Variants in SPATA16 observed in about 807,000 individuals in gnomAD.
SPATA16 encodes spermatogenesis associated 16.
Under a neutral mutation model 63.3 loss-of-function variants are expected in SPATA16, and 36 were observed. That is an observed-to-expected ratio of 0.57 (90% CI 0.44 to 0.75). SPATA16 has a LOEUF of 0.75. Among genes scored for constraint, SPATA16 ranks in the 30% least tolerant of loss-of-function variants. The pLI, the probability that SPATA16 is intolerant of heterozygous loss-of-function variation, is 0.00. For synonymous variants in SPATA16, 203 were observed against 216.7 expected (o/e 0.94, Z 0.56); for missense variants, 646 against 679.3 (o/e 0.95, Z 0.54).
At chr3:173,015,462 A>G (rs997824917) in intron 4 of SPATA16, among the ~76,000 whole-genome samples, 1 of 152,198 alleles carries the variant, frequency 6.6e-6, no homozygotes, top group African/African-American at 2.4e-5. Context: ...GGTTTTAAAT[A>G]AAGACCCTGT....
Position 172,927,804 on chromosome 3 carries a change from C to T in SPATA16, c.1082-2312G>A, listed in dbSNP as rs560027147. Among the ~76,000 whole-genome samples, 16 of 152,296 alleles carry T rather than the reference C, an allele frequency of 1.1e-4. 1 individual carries two copies. The highest frequency in any genetic ancestry group is 2.9e-4 in the African/African-American group (12 of 41,570). On this transcript the variant is annotated intron_variant, in intron 6 of 10. Transcript: ENST00000351008. ...TGCCATAGGAATGCCAGTAAACACTCTCTATCTAGAAAAGTATACTAAATG... is the reference window on the plus strand; with the variant it reads ...TGCCATAGGAATGCCAGTAAACACTTTCTATCTAGAAAAGTATACTAAATG...
intron 3 of SPATA16, among the ~76,000 whole-genome samples, chr3:173,029,078 G>A (rs767082024): frequency 5.3e-5 from 8 of 151,936 alleles, no homozygotes; most frequent in Non-Finnish European, 1.2e-4. Context: ...CAACATAAGG[G>A]GGGACTTACT....
intron 10 of SPATA16, among the ~76,000 whole-genome samples, chr3:172,895,249 A>G (rs1181695305): frequency 6.6e-6 from 1 of 152,166 alleles, no homozygotes; most frequent in Non-Finnish European, 1.5e-5. Context: ...CTCTCATGTT[A>G]CCTTTTTATA....
At chr3:172,945,271 A>G (rs1445993707) in intron 6 of SPATA16, among the ~76,000 whole-genome samples, 1 of 152,246 alleles carries the variant, frequency 6.6e-6, no homozygotes, top group African/African-American at 2.4e-5. Flanking sequence ...GACAACTAAT[A>G]TTCCTTGAAG....
Position 172,956,682 on chromosome 3 carries a change from T to C in SPATA16, c.1076A>G (p.Tyr359Cys), listed in dbSNP as rs1046527607. ...TTGAAGATATTGAATCTTACCTGTG[T>C]ACATATACTCTGCATATGCAGGATG... ...KTHPAYAEYM[Y>C]TDLQALHMLP... Residue 359 changes from tyrosine to cysteine, a missense_variant, in exon 6 of 11, where the codon TAC (tyrosine) becomes TGC (cysteine). Tyr to Cys is a radical substitution (Grantham distance 194). Transcript: ENST00000351008. 9.9e-6 allele frequency: 16 copies of C among 1,611,438 alleles called. No individual in the cohort carries two copies. In the African/African-American group the frequency reaches 2.0e-4, roughly 20 times the overall value.
At chr3:173,108,227 A>G (rs878934244) in intron 2 of SPATA16, among the ~76,000 whole-genome samples, 2 of 152,170 alleles carry the variant, frequency 1.3e-5, no homozygotes, top group Admixed American at 1.3e-4. Flanking sequence ...GCCCAAGTTC[A>G]GTATCAATCT....
At chr3:173,105,966 A>T (rs1196886327) in intron 2 of SPATA16, among the ~76,000 whole-genome samples, 1 of 151,928 alleles carries the variant, frequency 6.6e-6, no homozygotes, top group Non-Finnish European at 1.5e-5. Flanking sequence ...TTTTTATTGT[A>T]TTGAATTTTT....
rs1468211121 is a variant in SPATA16, at chr3:172,889,616, C to T, written c.1664G>A (p.Arg555Lys). 1 of 1,613,686 alleles carries T rather than the reference C, an allele frequency of 6.2e-7. No homozygotes were observed. Among genetic ancestry groups the T allele is most frequent in the Non-Finnish European group, 8.5e-7 (1 of 1,179,878 alleles). ...LKTKKLRTAR[R>K]QKTKMKRLQT... Reference sequence around the variant, plus strand: ...AAGTCGCTTCATTTTTGTTTTTTGCCTTCGAGCAGTTCTCAGTTTTTTAGT... The same window carrying T: ...AAGTCGCTTCATTTTTGTTTTTTGCTTTCGAGCAGTTCTCAGTTTTTTAGT... The change falls in exon 11 of 11, where the codon AGG becomes AAG. Residue 555 changes from arginine to lysine, a missense_variant. Coordinates refer to ENST00000351008, the MANE Select transcript of SPATA16 (RefSeq NM_031955.6).
intron 2 of SPATA16, among the ~76,000 whole-genome samples, chr3:173,098,419 C>T (rs755297572): frequency 6.6e-6 from 1 of 152,180 alleles, no homozygotes; most frequent in African/African-American, 2.4e-5. Context: ...TTCACTATTA[C>T]TGGTGCAATA....
In SPATA16 at chr3:173,117,368, C is replaced by G. The variant is rs776321675; in HGVS notation, c.364G>C (p.Asp122His). The G allele has an allele frequency of 6.2e-7, 1 of 1,614,170 alleles. No individual in the cohort carries two copies. The highest frequency in any genetic ancestry group is 1.7e-5 in the Admixed American group (1 of 60,024). ...ATGTAGACCAACTTCATTTCCACAT[C>G]CATTATGTTCTTTAAGGGGATGTGA... ...LPHIPLKNIM[D>H]VEMKLVYIDE... The change falls in exon 2 of 11, where the codon GAT becomes CAT. Residue 122 changes from aspartate (D) to histidine (H), a missense_variant. Transcript: ENST00000351008.
chr3:173,072,295 A>G (rs959148859), intron 2 of SPATA16, among the ~76,000 whole-genome samples: 1 of 152,192 alleles, frequency 6.6e-6, no homozygotes, highest in African/African-American at 2.4e-5. Flanking sequence ...CCATCATCAT[A>G]AGTGAATTAA....
At chr3:172,983,907 C>T (rs1022167358) in intron 4 of SPATA16, among the ~76,000 whole-genome samples, 11 of 152,124 alleles carry the variant, frequency 7.2e-5, no homozygotes, top group African/African-American at 2.7e-4. Flanking sequence ...AGGCTGTTTT[C>T]CTCTTCAACA....
At chr3:173,043,892 AT>A (rs1282762130) in intron 3 of SPATA16, among the ~76,000 whole-genome samples, 1 of 152,022 alleles carries the variant, frequency 6.6e-6, no homozygotes, top group African/African-American at 2.4e-5. Flanking sequence ...TCTAGTTTAA[AT>A]TTTGCTTTCG....
intron 6 of SPATA16, among the ~76,000 whole-genome samples, chr3:172,937,689 A>C (rs1037634696): frequency 2.0e-5 from 3 of 152,172 alleles, no homozygotes; most frequent in Non-Finnish European, 4.4e-5. Context: ...GTAGAGTGTA[A>C]ATATATATAC....
intron 10 of SPATA16, among the ~76,000 whole-genome samples, chr3:172,893,379 AG>A (rs1294574148): frequency 6.6e-6 from 1 of 152,202 alleles, no homozygotes; most frequent in Admixed American, 6.5e-5. Context: ...CCACAAGCCA[AG>A]GTACGATAAA....
At chr3:173,032,132 T>A (rs1362074700) in intron 3 of SPATA16, among the ~76,000 whole-genome samples, 1 of 152,028 alleles carries the variant, frequency 6.6e-6, no homozygotes, top group Non-Finnish European at 1.5e-5. Context: ...CAGAAGAAAA[T>A]GAGGTTTTGA....
chr3:173,056,462 G>A (rs1441727801), intron 2 of SPATA16, among the ~76,000 whole-genome samples: 1 of 152,060 alleles, frequency 6.6e-6, no homozygotes, highest in Non-Finnish European at 1.5e-5. Context: ...CAGCACTTTG[G>A]GAGGCCGAGG....
intron 10 of SPATA16, among the ~76,000 whole-genome samples, chr3:172,900,096 A>G (rs1402516880): frequency 6.6e-6 from 1 of 152,030 alleles, no homozygotes; most frequent in Non-Finnish European, 1.5e-5. Context: ...AACTTTCTTA[A>G]GCTATTCTTT....
At chr3:172,943,374 A>C (rs1733204092) in intron 6 of SPATA16, among the ~76,000 whole-genome samples, 1 of 152,246 alleles carries the variant, frequency 6.6e-6, no homozygotes, top group South Asian at 2.1e-4. Context: ...TCACTCCTTT[A>C]TTCAACCTTG....
Sources: allele counts gnomAD v4.1 joint callset (sites outside exome capture counted in the v4.1 genomes callset), GRCh38; gene constraint gnomAD v4.1.1; transcripts MANE v1.5; gene names NCBI Gene and HGNC (gene_info 2026-07-23, HGNC 2026-07-21).